The following PBX3 variants were observed in gnomAD, a reference collection of about 807,000 sequenced individuals.
PBX3 encodes pre-B-cell leukemia transcription factor 3.
A neutral mutation model predicts 48.5 loss-of-function variants in PBX3; 14 were observed. That is an observed-to-expected ratio of 0.29 (90% confidence interval 0.19 to 0.45). The LOEUF (loss-of-function observed/expected upper bound fraction) is 0.45, where lower values mean the gene tolerates loss of function less well. Ranked by LOEUF, PBX3 falls within the 20% of genes least tolerant of loss-of-function variation. The probability of loss-of-function intolerance (pLI) is 1.00; values close to 1 mark genes in which losing one functional copy is unlikely to be tolerated. For synonymous variants in PBX3, 210 were observed against 200.3 expected, an observed-to-expected ratio of 1.05 and a Z score of -0.41; for missense variants, 386 against 546.7, an observed-to-expected ratio of 0.71 and a Z score of 2.93.
At chr9:125,823,718 A>C (rs1412006262) in intron 2 of PBX3, among the ~76,000 whole-genome samples, 2 of 152,186 alleles carry the variant, frequency 1.3e-5, no homozygotes, top group Non-Finnish European at 2.9e-5. Context: ...AAGAATGGTT[A>C]AGAGAAGGAA....
chr9:125,856,574 GACA>G (rs1839730017), intron 2 of PBX3, among the ~76,000 whole-genome samples: 1 of 152,198 alleles, frequency 6.6e-6, no homozygotes, highest in Admixed American at 6.5e-5. Flanking sequence ...TGCTTGGATT[GACA>G]ACTGCTAGAC....
chr9:125,868,998 TAGC>T (rs1258440039), intron 2 of PBX3, among the ~76,000 whole-genome samples: 1 of 152,190 alleles, frequency 6.6e-6, no homozygotes, highest in Non-Finnish European at 1.5e-5. Context: ...GACTATGAGA[TAGC>T]AGCAACATCA....
chr9:125,899,329 A>G, intron 2 of PBX3, among the ~76,000 whole-genome samples: 1 of 96,106 alleles, frequency 1.0e-5, no homozygotes, highest in South Asian at 2.7e-4. Context: ...TTTTATATAA[A>G]TATATACATA....
chr9:125,959,960 T>C (rs1588343485), intron 5 of PBX3, among the ~76,000 whole-genome samples: 2 of 152,224 alleles, frequency 1.3e-5, no homozygotes, highest in South Asian at 4.1e-4. Context: ...AATCTGCCTA[T>C]TGCCAAGATC....
rs571947519 is a variant in PBX3, at chr9:125,780,957, G to A, written c.274+32334G>A. ...CAGAGACGCTCCTCACCTCCCAGAC[G>A]GGGTTGCGGCCGGGCAGAGGCGCTC... On this transcript the variant is annotated intron_variant, in intron 2 of 8. Transcript: ENST00000373489. 4.6e-3 allele frequency among the ~76,000 whole-genome samples: 559 copies of A among 121,744 alleles called. 6 individuals are homozygous for A. The highest frequency in any genetic ancestry group is 0.019 in the Middle Eastern group (5 of 258). The allele number at this position is 121,744 out of a possible 152,430, so 79.9% of individuals were successfully genotyped here.
intron 2 of PBX3, among the ~76,000 whole-genome samples, chr9:125,889,816 C>T (rs1409057042): frequency 1.3e-5 from 2 of 148,330 alleles, no homozygotes; most frequent in African/African-American, 4.9e-5. Context: ...GGAGCCGGAT[C>T]GCCGTCCGCC....
At position 125,813,883 on chromosome 9, in the gene PBX3, G is replaced by T. The variant is rs187059134; in HGVS notation, c.274+65260G>T. Among the ~76,000 whole-genome samples the T allele has an allele frequency of 2.7e-5, 4 of 150,254 alleles. No individual in the cohort carries two copies. The East Asian group carries it at 8.0e-4, about 30-fold the overall frequency. ...AAATACATACATAAACACGTATGTC[G>T]GCCGGGCACGGTGGCTCATACCTGT... On this transcript the variant is annotated intron_variant, in intron 2 of 8. Transcript: ENST00000373489.
At chr9:125,926,133 AC>A (rs1294151107) in intron 3 of PBX3, among the ~76,000 whole-genome samples, 1 of 152,240 alleles carries the variant, frequency 6.6e-6, no homozygotes, top group Non-Finnish European at 1.5e-5. Context: ...AATTATATAA[AC>A]ATCTCCTTAG....
chr9:125,748,510 G>C, intron 1 of PBX3, 40 bp from the exon 2 acceptor site: 1 of 1,605,198 alleles, frequency 6.2e-7, no homozygotes, highest in Non-Finnish European at 8.5e-7. Context: ...TATTCCATAG[G>C]TGATGCTAAT....
chr9:125,784,441 T>A (rs1269372565), intron 2 of PBX3, among the ~76,000 whole-genome samples: 1 of 152,154 alleles, frequency 6.6e-6, no homozygotes, highest in Non-Finnish European at 1.5e-5. Flanking sequence ...GTTTTGTGAT[T>A]TTGTTGTTGT....
At chr9:125,839,048 G>A (rs1326680370) in intron 2 of PBX3, among the ~76,000 whole-genome samples, 1 of 152,092 alleles carries the variant, frequency 6.6e-6, no homozygotes, top group Admixed American at 6.6e-5. Flanking sequence ...ATTCAGACCT[G>A]GATTTGGGCT....
At chr9:125,948,390 G>T (rs1409328888) in intron 5 of PBX3, among the ~76,000 whole-genome samples, 1 of 152,138 alleles carries the variant, frequency 6.6e-6, no homozygotes, top group Non-Finnish European at 1.5e-5. Flanking sequence ...TTAAAACAGA[G>T]TATGTTTTCT....
At chr9:125,867,639 TC>T in intron 2 of PBX3, among the ~76,000 whole-genome samples, 1 of 66,712 alleles carries the variant, frequency 1.5e-5, no homozygotes, top group Admixed American at 1.7e-4. Context: ...AGACTCCATC[TC>T]AAAAAAAAAA....
chr9:125,948,750 A>G (rs1999200), intron 5 of PBX3, among the ~76,000 whole-genome samples: 95,482 of 151,430 alleles, frequency 0.63, 31,627 homozygotes, highest in East Asian at 0.77. Flanking sequence ...GCACACAGTA[A>G]GTCCATTTCT....
intron 2 of PBX3, among the ~76,000 whole-genome samples, chr9:125,856,863 A>G (rs182001764): frequency 2.6e-5 from 4 of 152,322 alleles, no homozygotes; most frequent in Admixed American, 1.3e-4. Context: ...GTTTCAATGA[A>G]TTCTTTGCCA....
intron 2 of PBX3, among the ~76,000 whole-genome samples, chr9:125,823,671 T>A (rs375344483): frequency 6.6e-6 from 1 of 152,168 alleles, no homozygotes; most frequent in African/African-American, 2.4e-5. Context: ...TAAAAAAGAA[T>A]TCTGTATGTT....
intron 5 of PBX3, among the ~76,000 whole-genome samples, chr9:125,949,213 C>A (rs567239077): frequency 8.5e-5 from 13 of 152,278 alleles, no homozygotes; most frequent in African/African-American, 2.9e-4. Flanking sequence ...TTAATGAGTC[C>A]ATTTTTTATC....
At chr9:125,894,108 A>ATATT (rs3048174) in intron 2 of PBX3, among the ~76,000 whole-genome samples, 110,724 of 151,610 alleles carry the variant, frequency 0.73, 40,862 homozygotes, top group African/African-American at 0.81. Context: ...TGTAAATAGT[A>ATATT]TATTTTTTAC....
At chr9:125,797,018 G>T (rs1342458930) in intron 2 of PBX3, among the ~76,000 whole-genome samples, 1 of 151,822 alleles carries the variant, frequency 6.6e-6, no homozygotes, top group Non-Finnish European at 1.5e-5. Flanking sequence ...AATAATTCTT[G>T]GTTGAAACAC....
Sources: gnomAD v4.1 joint callset for allele counts (sites outside exome capture counted in the v4.1 genomes callset) on GRCh38, gnomAD v4.1.1 for gene constraint, MANE v1.5 for transcripts, NCBI Gene and HGNC (gene_info 2026-07-23, HGNC 2026-07-21) for gene names.